LRCH1: variants seen among roughly 807,000 people sequenced by gnomAD.
The protein encoded by LRCH1 is leucine-rich repeat and calponin homology domain-containing protein 1.
A neutral mutation model predicts 94.9 loss-of-function variants in LRCH1; 23 were observed. That is an observed-to-expected ratio of 0.24 (90% CI 0.17 to 0.34). The LOEUF is 0.34. Among genes scored for constraint, LRCH1 ranks in the 10% least tolerant of loss-of-function variants. The pLI is 1.00. For synonymous variants in LRCH1, 364 were observed against 354.9 expected, an observed-to-expected ratio of 1.03 and a Z score of -0.29; for missense variants, 790 against 945.9, an observed-to-expected ratio of 0.84 and a Z score of 2.16.
At chr13:46,693,745 A>G (rs1871031583) in intron 8 of LRCH1, among the ~76,000 whole-genome samples, 3 of 152,224 alleles carry the variant, frequency 2.0e-5, no homozygotes, top group Non-Finnish European at 1.5e-5. Flanking sequence ...CTCATTGGGT[A>G]ACATTAAGGC....
At chr13:46,617,222 A>G (rs1214829956) in intron 1 of LRCH1, among the ~76,000 whole-genome samples, 1 of 152,202 alleles carries the variant, frequency 6.6e-6, no homozygotes, top group Non-Finnish European at 1.5e-5. Flanking sequence ...TTGGATGGGA[A>G]TAGCCCTGGA....
chr13:46,594,753 A>T (rs1223052403), intron 1 of LRCH1, among the ~76,000 whole-genome samples: 1 of 152,252 alleles, frequency 6.6e-6, no homozygotes, highest in Non-Finnish European at 1.5e-5. Context: ...GCTGCAAAAT[A>T]CAAAAAAGAA....
intron 1 of LRCH1, among the ~76,000 whole-genome samples, chr13:46,558,711 C>T (rs1438458264): frequency 6.6e-6 from 1 of 151,468 alleles, no homozygotes; most frequent in Non-Finnish European, 1.5e-5. Context: ...CCAGCCTGGG[C>T]GACAGAACAA....
intron 13 of LRCH1, 87 bp from the exon 14 acceptor site, chr13:46,711,704 C>A: frequency 1.1e-6 from 1 of 938,606 alleles, no homozygotes; most frequent in Non-Finnish European, 1.7e-6. Context: ...GGACCGGGGA[C>A]ATGATGGCAG....
chr13:46,648,255 G>C (rs895599298), intron 1 of LRCH1, among the ~76,000 whole-genome samples: 5 of 152,184 alleles, frequency 3.3e-5, no homozygotes, highest in Non-Finnish European at 5.9e-5. Context: ...TGCCCCAGCT[G>C]ATCTGACAGG....
intron 3 of LRCH1, among the ~76,000 whole-genome samples, chr13:46,677,961 A>C (rs1241373501): frequency 1.3e-5 from 2 of 152,230 alleles, no homozygotes. Flanking sequence ...GAAGTTTGGA[A>C]TCATTCTCTA....
chr13:46,605,360 A>G (rs1313488454), intron 1 of LRCH1, among the ~76,000 whole-genome samples: 2 of 152,108 alleles, frequency 1.3e-5, no homozygotes, highest in Non-Finnish European at 2.9e-5. Context: ...TTATATATTT[A>G]TTTTACAGAA....
chr13:46,640,316 A>C (rs1007616197), intron 1 of LRCH1, among the ~76,000 whole-genome samples: 1 of 152,214 alleles, frequency 6.6e-6, no homozygotes, highest in African/African-American at 2.4e-5. Context: ...CATCCCATTC[A>C]GTCCTTTCAC....
intron 2 of LRCH1, among the ~76,000 whole-genome samples, chr13:46,656,867 A>G (rs1004832859): frequency 6.6e-6 from 1 of 152,210 alleles, no homozygotes; most frequent in Non-Finnish European, 1.5e-5. Context: ...ATGATTGGCT[A>G]TTTCTTATCA....
intron 1 of LRCH1, among the ~76,000 whole-genome samples, chr13:46,640,403 T>G (rs2051143663): frequency 6.6e-6 from 1 of 152,194 alleles, no homozygotes; most frequent in Non-Finnish European, 1.5e-5. Context: ...ATTAAGTAAT[T>G]ACTTCCAAGT....
In LRCH1 at chr13:46,662,990, G is replaced by C. The variant is rs554765929; in HGVS notation, c.453-6040G>C. 3.3e-5 allele frequency among the ~76,000 whole-genome samples: 5 copies of C among 152,250 alleles called. No homozygotes were observed. In the East Asian group the frequency reaches 7.7e-4, roughly 24 times the overall value. ...TGTGTTTGGAGTGTGAAATTGATTGGTGTAGCTTTCAAGACTTGTTTCAGA... is the reference window on the plus strand; with the variant it reads ...TGTGTTTGGAGTGTGAAATTGATTGCTGTAGCTTTCAAGACTTGTTTCAGA... On this transcript the variant is annotated intron_variant, in intron 2 of 19. Transcript: ENST00000389797.
chr13:46,662,579 T>TGGAATTGA (rs1422595152), intron 2 of LRCH1, among the ~76,000 whole-genome samples: 5 of 152,210 alleles, frequency 3.3e-5, no homozygotes, highest in Non-Finnish European at 7.3e-5. Context: ...CTTGATCTTT[T>TGGAATTGA]GGAATTGAAG....
chr13:46,647,992 A>G (rs769854690), intron 1 of LRCH1, among the ~76,000 whole-genome samples: 4 of 152,128 alleles, frequency 2.6e-5, no homozygotes, highest in Non-Finnish European at 4.4e-5. Context: ...GGATGACTGA[A>G]GCGCATTACT....
chr13:46,554,038 C>A (rs1358780157), intron 1 of LRCH1, among the ~76,000 whole-genome samples: 2 of 152,246 alleles, frequency 1.3e-5, no homozygotes, highest in Non-Finnish European at 2.9e-5. Context: ...GCGCCGCGTG[C>A]GCGCAGTGTA....
At chr13:46,670,473 C>G (rs1056670378) in intron 3 of LRCH1, among the ~76,000 whole-genome samples, 1 of 152,194 alleles carries the variant, frequency 6.6e-6, no homozygotes, top group African/African-American at 2.4e-5. Context: ...TAGCAAGAGA[C>G]CTACTAGCAT....
intron 3 of LRCH1, among the ~76,000 whole-genome samples, chr13:46,675,128 A>G (rs1475121604): frequency 6.6e-6 from 1 of 152,246 alleles, no homozygotes. Flanking sequence ...CCTTGTTAAC[A>G]TATTGGAAAC....
intron 16 of LRCH1, chr13:46,717,522 C>T (rs1368006569): frequency 4.6e-5 from 7 of 152,012 alleles, no homozygotes; most frequent in East Asian, 1.9e-4. Context: ...ATTTCTGTAC[C>T]GAAATAGTCT....
intron 1 of LRCH1, among the ~76,000 whole-genome samples, chr13:46,561,743 T>C (rs1338542815): frequency 5.9e-5 from 9 of 152,300 alleles, no homozygotes; most frequent in Non-Finnish European, 1.2e-4. Flanking sequence ...CATTTTGCTT[T>C]TCCAAGTCAT....
chr13:46,686,789 A>C (rs1026478509), intron 5 of LRCH1, among the ~76,000 whole-genome samples: 8 of 152,166 alleles, frequency 5.3e-5, no homozygotes, highest in African/African-American at 1.4e-4. Flanking sequence ...GATTATAAAC[A>C]GTCACAGTGA....
Sources: gnomAD v4.1 joint callset for allele counts (sites outside exome capture counted in the v4.1 genomes callset) on GRCh38, gnomAD v4.1.1 for gene constraint, MANE v1.5 for transcripts, NCBI Gene and HGNC (gene_info 2026-07-23, HGNC 2026-07-21) for gene names.